The following RAB3GAP1 variants were observed in gnomAD, a reference collection of about 807,000 sequenced individuals.
RAB3GAP1 encodes rab3 GTPase-activating protein catalytic subunit.
RAB3GAP1 carries 86 observed loss-of-function variants against 130.7 expected under a neutral mutation model. That is an observed-to-expected ratio of 0.66 (90% CI 0.55 to 0.79). RAB3GAP1 has a LOEUF of 0.79. Among genes scored for constraint, RAB3GAP1 ranks in the 30% least tolerant of loss-of-function variants. The pLI is 0.00. For synonymous variants in RAB3GAP1, 367 were observed against 401.7 expected, an observed-to-expected ratio of 0.91 and a Z score of 1.03; for missense variants, 1,029 against 1,169.4, an observed-to-expected ratio of 0.88 and a Z score of 1.75.
chr2:135,137,340 TC>T lies in RAB3GAP1; in HGVS notation c.1923+1410del, dbSNP rs1257497466. The stretch of plus-strand genomic sequence containing the variant: ...GGTGTCAAATTGAGAACCAGGCAGA[TC>T]CACCACCTACAGTAAAAAGGACCCT... On this transcript the variant is annotated intron_variant, in intron 17 of 23. Transcript: ENST00000264158. 4 of 205,514 alleles carry T rather than the reference TC, an allele frequency of 1.9e-5. No individual in the cohort carries two copies. In the South Asian group the frequency reaches 2.4e-4, roughly 12 times the overall value. 12.7% of individuals were successfully genotyped at this position (205,514 alleles called of 1,614,324 possible).
intron 17 of RAB3GAP1, among the ~76,000 whole-genome samples, chr2:135,146,008 C>T (rs1316790200): frequency 1.3e-5 from 2 of 151,968 alleles, no homozygotes; most frequent in African/African-American, 4.8e-5. Context: ...ATTATCCATG[C>T]CTATATTCTT....
At position 135,134,050 on chromosome 2, in the gene RAB3GAP1, TC is replaced by T. The variant is rs770575025; in HGVS notation, c.1499+18del. On this transcript the variant is annotated intron_variant, in intron 15 of 23. Coordinates refer to ENST00000264158, the MANE Select transcript of RAB3GAP1 (RefSeq NM_012233.3). The stretch of plus-strand genomic sequence containing the variant: ...GATTCCAGGGTAATAATTTCAATTT[TC>T]AATTGTTTGGATACGATTTTGTTTG... The T allele has an allele frequency of 6.2e-7, 1 of 1,613,346 alleles. No homozygotes were observed. Among genetic ancestry groups the T allele is most frequent in the Non-Finnish European group, 8.5e-7 (1 of 1,179,438 alleles).
downstream of RAB3GAP1, among the ~76,000 whole-genome samples, chr2:135,171,326 C>T (rs1300608320): frequency 6.6e-6 from 1 of 152,032 alleles, no homozygotes; most frequent in Non-Finnish European, 1.5e-5. Flanking sequence ...GGGTTTTGTG[C>T]AGGGGAGTGA....
intron 17 of RAB3GAP1, chr2:135,137,225 A>G: frequency 2.4e-6 from 1 of 422,966 alleles, no homozygotes; most frequent in Non-Finnish European, 4.7e-6. Context: ...TTTTTGTTTT[A>G]AAGGCTTTTA....
chr2:135,174,362 C>T (rs1259885980), downstream of RAB3GAP1, among the ~76,000 whole-genome samples: 2 of 152,334 alleles, frequency 1.3e-5, no homozygotes, highest in East Asian at 3.9e-4. Flanking sequence ...ATGGCCCCTC[C>T]TCTTCAGCAT....
Position 135,126,593 on chromosome 2 carries a change from C to A in RAB3GAP1, c.910C>A (p.Pro304Thr), listed in dbSNP as rs766974218. The A allele has an allele frequency of 6.2e-7, 1 of 1,611,916 alleles. No individual in the cohort carries two copies. Among genetic ancestry groups the A allele is most frequent in the Non-Finnish European group, 8.5e-7 (1 of 1,178,082 alleles). Residue 304 changes from proline (P) to threonine (T), a missense_variant, in exon 11 of 24, where the codon CCT becomes ACT. This residue lies in a region of RAB3GAP1 where 510 missense variants were observed against 532.1 expected (regional missense o/e 0.96). Transcript: ENST00000264158. The part of the protein sequence containing the change: ...VDNDVYSDLD[P>T]IQAPHWSVRV... Reference sequence around the variant, plus strand: ...TGGTTTGCATTTTAGTGATTTGGATCCTATTCAAGCTCCACATTGGTCTGT... The same window carrying A: ...TGGTTTGCATTTTAGTGATTTGGATACTATTCAAGCTCCACATTGGTCTGT...
At chr2:135,123,201 T>C (rs2104931665) in intron 8 of RAB3GAP1, among the ~76,000 whole-genome samples, 1 of 152,314 alleles carries the variant, frequency 6.6e-6, no homozygotes, top group East Asian at 1.9e-4. Flanking sequence ...GCTAAAACTT[T>C]TGTACAGTTA....
chr2:135,168,457 C>T (rs1334119847), intron 23 of RAB3GAP1, 88 bp from the exon 24 acceptor site: 1 of 1,077,496 alleles, frequency 9.3e-7, no homozygotes, highest in East Asian at 2.4e-5. Context: ...ATTTTCATAT[C>T]TTTATTATGT....
At chr2:135,098,291 G>A (rs1010731823) in intron 5 of RAB3GAP1, among the ~76,000 whole-genome samples, 12 of 151,946 alleles carry the variant, frequency 7.9e-5, no homozygotes, top group African/African-American at 2.9e-4. Flanking sequence ...TATAATGTGT[G>A]ATTTCCAAAA....
chr2:135,060,056 A>C (rs1008863294), intron 3 of RAB3GAP1, among the ~76,000 whole-genome samples: 3 of 152,156 alleles, frequency 2.0e-5, no homozygotes, highest in African/African-American at 7.2e-5. Context: ...TAATTATGGA[A>C]AATTTCAAAC....
At chr2:135,107,187 T>G (rs1413001765) in intron 5 of RAB3GAP1, among the ~76,000 whole-genome samples, 1 of 152,068 alleles carries the variant, frequency 6.6e-6, no homozygotes, top group Non-Finnish European at 1.5e-5. Flanking sequence ...GACATTCTTA[T>G]GTAAACAAAG....
chr2:135,069,904 T>G (rs1397162483), intron 3 of RAB3GAP1, among the ~76,000 whole-genome samples: 2 of 152,314 alleles, frequency 1.3e-5, no homozygotes, highest in Admixed American at 6.5e-5. Flanking sequence ...AATTTTTATC[T>G]GAGGAATGGG....
At chr2:135,078,272 A>T (rs981316023) in intron 3 of RAB3GAP1, among the ~76,000 whole-genome samples, 4 of 152,154 alleles carry the variant, frequency 2.6e-5, no homozygotes, top group African/African-American at 9.6e-5. Flanking sequence ...TCTAGATTTC[A>T]TACTGTATGT....
intron 3 of RAB3GAP1, among the ~76,000 whole-genome samples, chr2:135,068,245 T>G (rs1689376555): frequency 1.3e-5 from 2 of 152,230 alleles, no homozygotes; most frequent in African/African-American, 2.4e-5. Context: ...CTGAGATAGA[T>G]AAGAATTAAG....
At chr2:135,089,144 G>T (rs1260910666) in intron 3 of RAB3GAP1, among the ~76,000 whole-genome samples, 1 of 151,028 alleles carries the variant, frequency 6.6e-6, no homozygotes, top group African/African-American at 2.5e-5. Context: ...TTGTTAAATA[G>T]GGAATCCTTT....
rs200175711 is a variant in RAB3GAP1, at chr2:135,135,690, C to G, written c.1681C>G (p.Leu561Val). The change falls in exon 17 of 24, where the codon CTA becomes GTA. Residue 561 changes from leucine to valine, a missense_variant. Coordinates refer to ENST00000264158, the MANE Select transcript of RAB3GAP1 (RefSeq NM_012233.3). The part of the protein sequence containing the change: ...KAGDQLVPDN[L>V]KETDKEKGEV... The stretch of plus-strand genomic sequence containing the variant: ...AGGAGACCAGTTGGTGCCAGATAAT[C>G]TAAAAGAAACAGATAAGGAAAAGGG... 207 of 1,613,886 alleles carry G rather than the reference C, an allele frequency of 1.3e-4. No individual in the cohort carries two copies. The highest frequency in any genetic ancestry group is 1.4e-4 in the Non-Finnish European group (169 of 1,179,978).
intron 17 of RAB3GAP1, among the ~76,000 whole-genome samples, chr2:135,146,611 T>C (rs984980126): frequency 6.6e-6 from 1 of 152,206 alleles, no homozygotes; most frequent in Non-Finnish European, 1.5e-5. Flanking sequence ...TGGATTAATA[T>C]CCTGCATCAC....
chr2:135,066,039 C>T (rs985921051), intron 3 of RAB3GAP1, among the ~76,000 whole-genome samples: 1 of 152,012 alleles, frequency 6.6e-6, no homozygotes, highest in African/African-American at 2.4e-5. Flanking sequence ...TCCCAAAGTG[C>T]TGGGATTACA....
At chr2:135,117,458 TTCTGCTTCTGCTTCTG>T (rs1558784106) in intron 7 of RAB3GAP1, among the ~76,000 whole-genome samples, 28 of 148,838 alleles carry the variant, frequency 1.9e-4, no homozygotes, top group Admixed American at 4.0e-4. Context: ...CTTCTTCTGC[TTCTGCTTCTGCTTCTG>T]CTTCTTCTGC....
Sources: gnomAD v4.1 joint callset for allele counts (sites outside exome capture counted in the v4.1 genomes callset) on GRCh38, gnomAD v4.1.1 for gene constraint, gnomAD v4.1.1 regional missense constraint, MANE v1.5 for transcripts, NCBI Gene and HGNC (gene_info 2026-07-23, HGNC 2026-07-21) for gene names.